Variants in HMG20A observed in about 807,000 individuals in gnomAD.
HMG20A encodes the protein high mobility group 20A.
In HMG20A, 17 loss-of-function variants were observed where a neutral mutation model predicts 43.9. The observed-to-expected ratio is 0.39, with a 90% CI of 0.27 to 0.58. The LOEUF (loss-of-function observed/expected upper bound fraction) is 0.58. Among genes scored for constraint, HMG20A ranks in the 20% least tolerant of loss-of-function variants. The pLI, the probability that HMG20A is intolerant of heterozygous loss-of-function variation, is 0.59. For missense variants in HMG20A, 341 were observed against 438.2 expected, an observed-to-expected ratio of 0.78 and a Z score of 1.98; for synonymous variants, 132 against 147.5, an observed-to-expected ratio of 0.89 and a Z score of 0.76.
At chr15:77,465,889 T>A (rs1215405563) in intron 3 of HMG20A, among the ~76,000 whole-genome samples, 3 of 152,234 alleles carry the variant, frequency 2.0e-5, no homozygotes, top group Admixed American at 6.5e-5. Flanking sequence ...CATGAAATAT[T>A]AACTGATACG....
downstream of HMG20A, among the ~76,000 whole-genome samples, chr15:77,489,096 A>G (rs952989412): frequency 1.3e-5 from 2 of 152,210 alleles, no homozygotes; most frequent in South Asian, 4.1e-4. Context: ...TTTTATGTAG[A>G]TTAGTCAATC....
intron 1 of HMG20A, among the ~76,000 whole-genome samples, chr15:77,444,390 C>G (rs888507616): frequency 6.6e-6 from 1 of 152,296 alleles, no homozygotes; most frequent in Non-Finnish European, 1.5e-5. Flanking sequence ...AACCCTTGAA[C>G]AGCACTAGGC....
intron 4 of HMG20A, among the ~76,000 whole-genome samples, chr15:77,468,897 C>A (rs1333667456): frequency 6.6e-6 from 1 of 152,152 alleles, no homozygotes; most frequent in African/African-American, 2.4e-5. Context: ...GTTTAGTAGT[C>A]AAGTTTCTTT....
Position 77,467,080 on chromosome 15 carries a change from T to C in HMG20A, c.238-15T>C, listed in dbSNP as rs958289298. 3.1e-6 allele frequency: 5 copies of C among 1,595,734 alleles called. No individual in the cohort carries two copies. Among genetic ancestry groups the C allele is most frequent in the Non-Finnish European group, 4.3e-6 (5 of 1,168,782 alleles). Reference sequence around the variant, plus strand: ...TTGTTTGGTTTTTGGTTTTTTATTTTGTTTTGTTTTGTAGCAACGAAGTAA... The same window carrying C: ...TTGTTTGGTTTTTGGTTTTTTATTTCGTTTTGTTTTGTAGCAACGAAGTAA... On this transcript the variant is annotated splice_polypyrimidine_tract_variant and intron_variant, in intron 3 of 9. Coordinates refer to ENST00000336216, the MANE Select transcript of HMG20A (RefSeq NM_001304504.2).
chr15:77,503,128 T>C, the HMG20A span, among the ~76,000 whole-genome samples: 2 of 152,130 alleles, frequency 1.3e-5, no homozygotes, highest in Non-Finnish European at 2.9e-5. Flanking sequence ...CTATCCAGCC[T>C]CCCTCCAGTT....
chr15:77,428,780 CAT>C (rs1269983519), intron 1 of HMG20A, among the ~76,000 whole-genome samples: 2 of 152,022 alleles, frequency 1.3e-5, no homozygotes, highest in Admixed American at 6.6e-5. Flanking sequence ...GCTTGGGTAA[CAT>C]AGTGAGATGC....
At chr15:77,482,488 T>C (rs2072913584) in intron 9 of HMG20A, 1 of 152,114 alleles carries the variant, frequency 6.6e-6, no homozygotes, top group African/African-American at 2.4e-5. Context: ...TGTTTGAGTT[T>C]AGGGAAAAAA....
intron 5 of HMG20A, 72 bp downstream of exon 5, chr15:77,471,114 G>A: frequency 6.9e-7 from 1 of 1,439,776 alleles, no homozygotes; most frequent in South Asian, 1.4e-5. Flanking sequence ...CAACTGTTAA[G>A]AGTGGTAACT....
At chr15:77,492,938 C>T in the HMG20A span, among the ~76,000 whole-genome samples, 1 of 152,118 alleles carries the variant, frequency 6.6e-6, no homozygotes, top group Non-Finnish European at 1.5e-5. Flanking sequence ...GTGAGGAATT[C>T]TTCAAGGAGG....
the HMG20A span, among the ~76,000 whole-genome samples, chr15:77,510,701 G>A: frequency 1.3e-5 from 2 of 152,180 alleles, 1 homozygote; most frequent in Non-Finnish European, 2.9e-5. Flanking sequence ...CAGCAGCTCC[G>A]GCAGTAGTCC....
At chr15:77,497,517 C>G in the HMG20A span, among the ~76,000 whole-genome samples, 1 of 152,252 alleles carries the variant, frequency 6.6e-6, no homozygotes, top group Admixed American at 6.5e-5. Context: ...CTGGCACAGC[C>G]AAGAGACTGG....
At chr15:77,477,987 A>T (rs1473192152) in intron 7 of HMG20A, 1 of 490,128 alleles carries the variant, frequency 2.0e-6, no homozygotes, top group African/African-American at 1.9e-5. Context: ...CCCCCTGCAA[A>T]ACCCCTCAGG....
chr15:77,481,003 G>A (rs1475403376), intron 9 of HMG20A, among the ~76,000 whole-genome samples: 1 of 152,146 alleles, frequency 6.6e-6, no homozygotes, highest in South Asian at 2.1e-4. Flanking sequence ...CCTTAGAATG[G>A]TCATGGGTTT....
chr15:77,466,843 C>G (rs759558998), intron 3 of HMG20A, among the ~76,000 whole-genome samples: 35 of 152,156 alleles, frequency 2.3e-4, no homozygotes, highest in Non-Finnish European at 4.1e-4. Flanking sequence ...ACAAAAATAG[C>G]CCTTTAGTGT....
chr15:77,508,396 C>T, the HMG20A span, among the ~76,000 whole-genome samples: 3 of 152,342 alleles, frequency 2.0e-5, no homozygotes, highest in East Asian at 1.9e-4. Flanking sequence ...CACCAGATCC[C>T]GTGCTAGGCC....
At chr15:77,481,738 A>G (rs1192924354) in intron 9 of HMG20A, among the ~76,000 whole-genome samples, 1 of 152,222 alleles carries the variant, frequency 6.6e-6, no homozygotes, top group African/African-American at 2.4e-5. Context: ...ACAGATTCTT[A>G]CAGTCTAGCC....
In HMG20A at chr15:77,479,163, T is replaced by G. The variant is rs367844089; in HGVS notation, c.908-16T>G. On this transcript the variant is annotated splice_polypyrimidine_tract_variant and intron_variant, in intron 8 of 9. Coordinates refer to ENST00000336216, the MANE Select transcript of HMG20A (RefSeq NM_001304504.2). ...AATAGGGAGGATTTTCTTACTTTCT[T>G]CTTATCTCACTTCAGGAAGTGGAGA... The G allele has an allele frequency of 6.2e-7, 1 of 1,612,760 alleles. No homozygotes were observed. Among genetic ancestry groups the G allele is most frequent in the African/African-American group, 1.3e-5 (1 of 75,036 alleles).
intron 2 of HMG20A, among the ~76,000 whole-genome samples, chr15:77,459,286 G>C (rs1004542644): frequency 1.6e-4 from 24 of 152,132 alleles, no homozygotes; most frequent in African/African-American, 5.6e-4. Context: ...TCTAAAGGCT[G>C]CTTAGTTACT....
the HMG20A span, among the ~76,000 whole-genome samples, chr15:77,506,861 G>C: frequency 2.2e-4 from 33 of 152,374 alleles, 2 homozygotes; most frequent in South Asian, 6.8e-3. Context: ...GTGATGAAGA[G>C]AAGGAAGGTC....
Sources: allele counts gnomAD v4.1 joint callset (sites outside exome capture counted in the v4.1 genomes callset), GRCh38; gene constraint gnomAD v4.1.1; transcripts MANE v1.5; gene names NCBI Gene and HGNC (gene_info 2026-07-23, HGNC 2026-07-21).